The following IQSEC1 variants were observed in gnomAD, a reference collection of about 807,000 sequenced individuals.
The protein encoded by IQSEC1 is IQ motif and SEC7 domain-containing protein 1.
IQSEC1 carries 31 observed loss-of-function variants against 91.0 expected under a neutral mutation model. That is an observed-to-expected ratio of 0.34 (90% CI 0.26 to 0.46). The LOEUF (loss-of-function observed/expected upper bound fraction) is 0.46. IQSEC1 is among the 20% of genes least tolerant of loss of function. IQSEC1 has a pLI of 1.00. For synonymous variants in IQSEC1, 699 were observed against 662.6 expected (o/e 1.05, Z -0.84); for missense variants, 1,388 against 1,575.6 (o/e 0.88, Z 2.02).
chr3:12,916,330 G>A (rs977007806), intron 6 of IQSEC1, among the ~76,000 whole-genome samples: 2 of 152,230 alleles, frequency 1.3e-5, no homozygotes, highest in Non-Finnish European at 2.9e-5. Flanking sequence ...GGTTGCTGTT[G>A]CTGGCCCACA....
intron 7 of IQSEC1, 29 bp from the exon 8 acceptor site, chr3:12,915,162 GGT>G (rs754861853): frequency 1.2e-6 from 2 of 1,603,766 alleles, no homozygotes; most frequent in Middle Eastern, 1.7e-4. Context: ...CCAACAAAAG[GGT>G]GTTCATGTTT....
At chr3:13,170,556 G>A (rs575543182) in intron 1 of IQSEC1, among the ~76,000 whole-genome samples, 15 of 152,340 alleles carry the variant, frequency 9.8e-5, no homozygotes, top group South Asian at 8.3e-4. Flanking sequence ...GAAAGCAGCC[G>A]GGAGGGAGGC....
At position 13,264,944 on chromosome 3, in the gene IQSEC1, GTC is replaced by G. The variant is rs202125437; in HGVS notation, c.272+17765_272+17766del. On this transcript the variant is annotated intron_variant, in intron 1 of 15. Transcript: ENST00000648114. The stretch of plus-strand genomic sequence containing the variant: ...TCTCTTTCTGTTTCTGTCTCTCTGT[GTC>G]TCTCTGTCTGTCTGTCTGCCTCTCT... 3.0e-3 allele frequency among the ~76,000 whole-genome samples: 452 copies of G among 151,798 alleles called. 16 individuals carry two copies. In the East Asian group the frequency reaches 0.073, roughly 25 times the overall value.
At chr3:13,097,142 G>A (rs1335511078) in intron 2 of IQSEC1, among the ~76,000 whole-genome samples, 1 of 152,200 alleles carries the variant, frequency 6.6e-6, no homozygotes, top group African/African-American at 2.4e-5. Flanking sequence ...TTACAGGCAT[G>A]AGCCACCGCG....
intron 2 of IQSEC1, among the ~76,000 whole-genome samples, chr3:13,112,580 C>T (rs745553962): frequency 1.1e-4 from 16 of 149,238 alleles, no homozygotes; most frequent in Non-Finnish European, 2.1e-4. Flanking sequence ...GAGGGCACTG[C>T]GTGCTGGCCC....
intron 2 of IQSEC1, among the ~76,000 whole-genome samples, chr3:13,113,525 C>T (rs1454262543): frequency 6.6e-6 from 1 of 152,196 alleles, no homozygotes; most frequent in Non-Finnish European, 1.5e-5. Flanking sequence ...CCTGCACCTG[C>T]CGCCCCTCAG....
At chr3:13,148,845 G>T (rs1303846117) in intron 2 of IQSEC1, among the ~76,000 whole-genome samples, 2 of 152,266 alleles carry the variant, frequency 1.3e-5, no homozygotes, top group Non-Finnish European at 2.9e-5. Flanking sequence ...GATTAAAGGG[G>T]CTGAGAATGC....
intron 1 of IQSEC1, among the ~76,000 whole-genome samples, chr3:12,953,587 T>C (rs1699706295): frequency 6.6e-6 from 1 of 152,190 alleles, no homozygotes; most frequent in Non-Finnish European, 1.5e-5. Context: ...AGCATCTCCC[T>C]ATGTGTCAGC....
chr3:13,220,449 G>C (rs1694636474), intron 1 of IQSEC1, among the ~76,000 whole-genome samples: 1 of 152,186 alleles, frequency 6.6e-6, no homozygotes, highest in South Asian at 2.1e-4. Context: ...GCCCCCACAA[G>C]GGGCTTCTCC....
At chr3:13,047,019 G>A (rs1457256068) in intron 1 of IQSEC1, among the ~76,000 whole-genome samples, 5 of 152,184 alleles carry the variant, frequency 3.3e-5, no homozygotes, top group South Asian at 4.1e-4. Context: ...CAAAGCACAC[G>A]GAAGCAGAGA....
intron 9 of IQSEC1, among the ~76,000 whole-genome samples, chr3:12,913,143 G>A (rs564694808): frequency 3.9e-5 from 6 of 152,342 alleles, no homozygotes; most frequent in East Asian, 1.9e-4. Context: ...GGGCCTGCCC[G>A]AGGAAGCGTC....
chr3:13,267,718 C>T (rs1047989604), intron 1 of IQSEC1, among the ~76,000 whole-genome samples: 7 of 151,784 alleles, frequency 4.6e-5, no homozygotes, highest in South Asian at 2.1e-4. Context: ...CCCGGGTTCA[C>T]GCCATTCTCC....
chr3:13,119,161 G>A (rs1242507137), intron 2 of IQSEC1, among the ~76,000 whole-genome samples: 1 of 151,932 alleles, frequency 6.6e-6, no homozygotes, highest in East Asian at 1.9e-4. Context: ...GAATAAGGAG[G>A]CCGCCTTGGT....
intron 2 of IQSEC1, among the ~76,000 whole-genome samples, chr3:13,094,103 G>C (rs1705914856): frequency 6.6e-6 from 1 of 152,204 alleles, no homozygotes; most frequent in Admixed American, 6.5e-5. Flanking sequence ...ACAGGGCTGA[G>C]GGATGAAGAG....
Position 12,970,791 on chromosome 3 carries a change from A to G in IQSEC1, c.24-28926T>C, listed in dbSNP as rs1700855392. On this transcript the variant is annotated intron_variant, in intron 1 of 13. Transcript: ENST00000613206. This position sits in a 1 kb window ranked among gnomAD's most constrained non-coding sequence, Gnocchi z 4.4. ...CCATGACCAGCGCCTAGTCCAAGTC[A>G]GAAACTCCTTTTACATGGCATCAGG... is the stretch of plus-strand genomic sequence containing the variant. 6.6e-6 allele frequency among the ~76,000 whole-genome samples: 1 copy of G among 152,240 alleles called. No homozygotes were observed. Among genetic ancestry groups the G allele is most frequent in the African/African-American group, 2.4e-5 (1 of 41,456 alleles).
At chr3:13,085,881 C>T (rs1418582739) in intron 2 of IQSEC1, among the ~76,000 whole-genome samples, 3 of 152,274 alleles carry the variant, frequency 2.0e-5, no homozygotes, top group East Asian at 3.8e-4. Context: ...CTTCACCTCT[C>T]TCTTCAGACA....
At chr3:13,031,373 C>G (rs1703835080) in intron 1 of IQSEC1, among the ~76,000 whole-genome samples, 1 of 152,230 alleles carries the variant, frequency 6.6e-6, no homozygotes, top group Non-Finnish European at 1.5e-5. Context: ...AGGGGCTCAG[C>G]TGGGGGACTC....
chr3:13,163,191 T>G (rs1273847492), intron 2 of IQSEC1, among the ~76,000 whole-genome samples: 1 of 152,088 alleles, frequency 6.6e-6, no homozygotes, highest in Admixed American at 6.5e-5. Flanking sequence ...CTCCCTGGGA[T>G]GCAGCCTCCC....
At chr3:13,248,873 A>G (rs1695149066) in intron 1 of IQSEC1, among the ~76,000 whole-genome samples, 6 of 91,842 alleles carry the variant, frequency 6.5e-5, no homozygotes, top group South Asian at 3.3e-4. Context: ...GCACAGAGAG[A>G]TTGAGTAACT....
Sources: gnomAD v4.1 joint callset for allele counts (sites outside exome capture counted in the v4.1 genomes callset) on GRCh38, gnomAD v4.1.1 for gene constraint, Gnocchi (gnomAD v3.1) non-coding constraint, MANE v1.5 for transcripts, NCBI Gene and HGNC (gene_info 2026-07-23, HGNC 2026-07-21) for gene names.